The following PPA1 variants were observed in gnomAD, a reference collection of about 807,000 sequenced individuals.
PPA1 encodes the protein inorganic pyrophosphatase.
In PPA1, 23 loss-of-function variants were observed where a neutral mutation model predicts 41.8. That is an observed-to-expected ratio of 0.55 (90% CI 0.40 to 0.78). PPA1 has a LOEUF of 0.78. Ranked by LOEUF, PPA1 falls within the 30% of genes least tolerant of loss-of-function variation. PPA1 has a pLI of 0.00. For missense variants in PPA1, 320 were observed against 361.6 expected (o/e 0.89, Z 0.93); for synonymous variants, 101 against 116.8 (o/e 0.86, Z 0.87).
At chr10:70,217,582 T>C (rs935227976) in intron 4 of PPA1, among the ~76,000 whole-genome samples, 3 of 152,174 alleles carry the variant, frequency 2.0e-5, no homozygotes, top group Non-Finnish European at 4.4e-5. Context: ...GAAGAAATAT[T>C]TCAGGAAAGA....
At chr10:70,225,365 C>A (rs1331231547) in intron 2 of PPA1, among the ~76,000 whole-genome samples, 1 of 152,028 alleles carries the variant, frequency 6.6e-6, no homozygotes, top group African/African-American at 2.4e-5. Flanking sequence ...CCTGCCACCA[C>A]ACCCAGCTAA....
intron 6 of PPA1, among the ~76,000 whole-genome samples, chr10:70,211,052 C>T (rs1046728755): frequency 5.9e-5 from 9 of 152,290 alleles, no homozygotes; most frequent in East Asian, 3.9e-4. Context: ...CGTGAGCCAC[C>T]GCGCCCGGCC....
rs1589901467 is a variant in PPA1 at position 70,233,362 on chromosome 10, G to C, written c.-35C>G. ...GTCCTGCCGCCGCCGCTGCCACAGA[G>C]CCACCAGCCCGCACGCGGCGCCGAC... On this transcript the variant is annotated 5_prime_UTR_variant, in exon 1 of 11. Transcript: ENST00000373232. The C allele has an allele frequency of 6.5e-7, 1 of 1,530,048 alleles. No individual in the cohort carries two copies. Among genetic ancestry groups the C allele is most frequent in the South Asian group, 1.2e-5 (1 of 82,166 alleles). The allele number at this position is 1,530,048 out of a possible 1,614,324, so 94.8% of individuals were successfully genotyped here.
intron 2 of PPA1, among the ~76,000 whole-genome samples, chr10:70,227,930 C>T (rs1316207235): frequency 6.6e-6 from 1 of 152,114 alleles, no homozygotes; most frequent in Non-Finnish European, 1.5e-5. Context: ...AAATCACACT[C>T]TAATGAATCA....
intron 3 of PPA1, chr10:70,218,563 T>A: frequency 1.9e-6 from 1 of 536,948 alleles, no homozygotes; most frequent in Non-Finnish European, 3.3e-6. Context: ...GAAGAAAAGT[T>A]TGGGGCATAT....
chr10:70,214,088 G>C (rs1840051440), intron 5 of PPA1, among the ~76,000 whole-genome samples: 1 of 152,202 alleles, frequency 6.6e-6, no homozygotes, highest in Non-Finnish European at 1.5e-5. Flanking sequence ...CCTACTTGAT[G>C]GAGGAGTTAC....
At chr10:70,230,734 G>A (rs190269272) in intron 1 of PPA1, among the ~76,000 whole-genome samples, 1 of 152,270 alleles carries the variant, frequency 6.6e-6, no homozygotes, top group East Asian at 1.9e-4. Context: ...CTCCCAAAGG[G>A]CTGGAATTAC....
chr10:70,210,464 T>C (rs1171922311), intron 6 of PPA1: 1 of 1,352,942 alleles, frequency 7.4e-7, no homozygotes, highest in African/African-American at 1.5e-5. Flanking sequence ...CATTGATGGG[T>C]TACGTATTAA....
At chr10:70,232,312 G>A (rs1037546863) in intron 1 of PPA1, among the ~76,000 whole-genome samples, 1 of 152,170 alleles carries the variant, frequency 6.6e-6, no homozygotes, top group Non-Finnish European at 1.5e-5. Flanking sequence ...GGTTACAATA[G>A]AAGCGCCTGT....
At chr10:70,226,510 G>C (rs138377836) in intron 2 of PPA1, among the ~76,000 whole-genome samples, 1 of 151,528 alleles carries the variant, frequency 6.6e-6, no homozygotes, top group East Asian at 1.9e-4. Flanking sequence ...AGTGAGCCAA[G>C]ATCACAGCAC....
Position 70,220,563 on chromosome 10 carries a change from TA to T in PPA1, c.124-1747del, listed in dbSNP as rs1840129846. 3.1e-5 allele frequency among the ~76,000 whole-genome samples: 2 copies of T among 64,918 alleles called. 1 individual carries two copies. Among genetic ancestry groups the T allele is most frequent in the African/African-American group, 1.3e-4 (2 of 15,124 alleles). The allele number at this position is 64,918 out of a possible 152,430, so 42.6% of individuals were successfully genotyped here. A position where few individuals can be genotyped will look rare whatever the true frequency, so the allele number is the denominator to read the frequency against. On this transcript the variant is annotated intron_variant, in intron 2 of 10. Coordinates refer to ENST00000373232, the MANE Select transcript of PPA1 (RefSeq NM_021129.4). Reference sequence around the variant, plus strand: ...TTTTTATGTATAATATATATATAATTATATATATAATATATATAATTATATA... The same window carrying T: ...TTTTTATGTATAATATATATATAATTTATATATAATATATATAATTATATA...
At chr10:70,222,228 C>T (rs940883296) in intron 2 of PPA1, among the ~76,000 whole-genome samples, 6 of 148,660 alleles carry the variant, frequency 4.0e-5, no homozygotes, top group Admixed American at 6.8e-5. Context: ...CCCAGCTACT[C>T]GGGAGGCTGA....
chr10:70,217,737 C>CT (rs1196336806), intron 4 of PPA1, 75 bp downstream of exon 4: 2 of 1,309,026 alleles, frequency 1.5e-6, no homozygotes, highest in Admixed American at 2.7e-5. Context: ...GTATTCAAAC[C>CT]TTTTTTACTA....
intron 2 of PPA1, among the ~76,000 whole-genome samples, chr10:70,224,419 T>G (rs1333476516): frequency 6.6e-6 from 1 of 152,114 alleles, no homozygotes; most frequent in Non-Finnish European, 1.5e-5. Context: ...AATAAAAATG[T>G]TTCAGGAATA....
chr10:70,207,902 T>G (rs1839964918), intron 8 of PPA1, among the ~76,000 whole-genome samples: 1 of 148,660 alleles, frequency 6.7e-6, no homozygotes, highest in African/African-American at 2.5e-5. Context: ...ATTAGAAATA[T>G]TCCATCAAGG....
At chr10:70,210,522 C>T in intron 6 of PPA1, 2 of 1,042,644 alleles carry the variant, frequency 1.9e-6, no homozygotes, top group Non-Finnish European at 2.5e-6. Context: ...CATAACAATA[C>T]TTTAGTTCTG....
chr10:70,221,136 G>T (rs577151195), intron 2 of PPA1, among the ~76,000 whole-genome samples: 1 of 113,794 alleles, frequency 8.8e-6, no homozygotes, highest in East Asian at 2.5e-4. Context: ...GACTGGTAAA[G>T]TACATTTTAA....
At chr10:70,209,743 G>C in intron 6 of PPA1, 58 bp from the exon 7 acceptor site, 2 of 1,502,488 alleles carry the variant, frequency 1.3e-6, no homozygotes, top group Non-Finnish European at 9.1e-7. Context: ...AAAGAAAGAA[G>C]AGAATAAGCA....
At chr10:70,206,150 C>T in intron 9 of PPA1, 114 bp downstream of exon 9, 1 of 788,404 alleles carries the variant, frequency 1.3e-6, no homozygotes. Context: ...CACACAGTAA[C>T]ATGCATACAA....
Sources: allele counts gnomAD v4.1 joint callset (sites outside exome capture counted in the v4.1 genomes callset), GRCh38; gene constraint gnomAD v4.1.1; transcripts MANE v1.5; gene names NCBI Gene and HGNC (gene_info 2026-07-23, HGNC 2026-07-21).